Variants in PSMD3 observed in about 807,000 individuals in gnomAD.
PSMD3 encodes the protein 26S proteasome non-ATPase regulatory subunit 3.
A neutral mutation model predicts 62.8 loss-of-function variants in PSMD3; 5 were observed. The observed-to-expected ratio is 0.08, with a 90% CI of 0.04 to 0.17. The LOEUF (loss-of-function observed/expected upper bound fraction) is 0.17. Among genes scored for constraint, PSMD3 ranks in the 10% least tolerant of loss-of-function variants. PSMD3 has a pLI of 1.00. For missense variants in PSMD3, 524 were observed against 713.6 expected (o/e 0.73, Z 3.03); for synonymous variants, 265 against 283.9 (o/e 0.93, Z 0.67).
Position 39,996,979 on chromosome 17 carries a change from A to G in PSMD3, c.1477-351A>G, listed in dbSNP as rs1455048799. ...TCCCTTAGGTCAAGCCTCCCCTCCC[A>G]CTCCTGCCCCACCACCCAGCAGCCA... On this transcript the variant is annotated intron_variant, in intron 10 of 11. Transcript: ENST00000264639. The surrounding 1 kb of genome is among the most constrained non-coding windows in gnomAD (Gnocchi z 5.1). Among the ~76,000 whole-genome samples, 2 of 150,652 alleles carry G rather than the reference A, an allele frequency of 1.3e-5. No individual in the cohort carries two copies. Among genetic ancestry groups the G allele is most frequent in the Non-Finnish European group, 3.0e-5 (2 of 67,634 alleles).
chr17:39,988,646 G>T, intron 3 of PSMD3, 37 bp from the exon 4 acceptor site: 2 of 1,610,570 alleles, frequency 1.2e-6, no homozygotes, highest in Non-Finnish European at 1.7e-6. Flanking sequence ...TCCTTTTGAG[G>T]AACTGCCACT....
rs1004369842 is a variant in PSMD3, at chr17:39,984,771, CTGT to C, written c.411+292_411+294del. Among the ~76,000 whole-genome samples, 14 of 152,174 alleles carry C rather than the reference CTGT, an allele frequency of 9.2e-5. 1 individual carries two copies. Among genetic ancestry groups the C allele is most frequent in the East Asian group, 3.8e-4 (2 of 5,202 alleles). ...GTTGAGGTTGCGTTGGGTGACCTCT[CTGT>C]TGTTCTAGGAGAGAGAAGGTGCTGC... is the stretch of plus-strand genomic sequence containing the variant. On this transcript the variant is annotated intron_variant, in intron 2 of 11. Coordinates refer to ENST00000264639, the MANE Select transcript of PSMD3 (RefSeq NM_002809.4).
chr17:39,987,323 C>T (rs2144810382), intron 3 of PSMD3, among the ~76,000 whole-genome samples: 1 of 152,294 alleles, frequency 6.6e-6, no homozygotes, highest in South Asian at 2.1e-4. Flanking sequence ...GGTTTGTTTC[C>T]TTTCCTTACC....
chr17:39,992,464 G>T (rs1280018257), intron 6 of PSMD3, among the ~76,000 whole-genome samples: 3 of 152,196 alleles, frequency 2.0e-5, no homozygotes, highest in South Asian at 2.1e-4. Context: ...GATTCAGAGA[G>T]TCTGTGTTCC....
In PSMD3 at chr17:39,997,253, A is replaced by G. The variant is rs929368119; in HGVS notation, c.1477-77A>G. ...GCCTGGTGTCTAGCTCACAGAGGGGACGCAGGGAGTGCAGGTTGCGTGAGT... is the reference window on the plus strand; with the variant it reads ...GCCTGGTGTCTAGCTCACAGAGGGGGCGCAGGGAGTGCAGGTTGCGTGAGT... On this transcript the variant is annotated intron_variant, in intron 10 of 11. Transcript: ENST00000264639. 2.8e-6 allele frequency: 4 copies of G among 1,406,020 alleles called. No individual in the cohort carries two copies. In the East Asian group the frequency reaches 6.8e-5, roughly 24 times the overall value. 87.1% of individuals were successfully genotyped at this position (1,406,020 alleles called of 1,614,324 possible).
At chr17:39,997,138 T>A (rs1980803053) in intron 10 of PSMD3, among the ~76,000 whole-genome samples, 192 bp from the exon 11 acceptor site, 1 of 152,176 alleles carries the variant, frequency 6.6e-6, no homozygotes, top group Admixed American at 6.5e-5. Context: ...TTTATTCCTC[T>A]TTTTTCAGCA....
chr17:39,995,117 G>A lies in PSMD3; in HGVS notation c.1096+49G>A, dbSNP rs761159577. The stretch of plus-strand genomic sequence containing the variant: ...GAGCCCACTAGGCCCCCTTCAGTGG[G>A]GCCTCTTACATGCCTGTGCCTATTT... On this transcript the variant is annotated intron_variant, in intron 7 of 11. Coordinates refer to ENST00000264639, the MANE Select transcript of PSMD3 (RefSeq NM_002809.4). This position sits in a 1 kb window ranked among gnomAD's most constrained non-coding sequence, Gnocchi z 4.1. 3 of 1,613,896 alleles carry A rather than the reference G, an allele frequency of 1.9e-6. No individual in the cohort carries two copies. In the East Asian group the frequency reaches 6.7e-5, roughly 36 times the overall value.
chr17:39,983,815 A>T (rs1980446363), intron 1 of PSMD3, among the ~76,000 whole-genome samples: 1 of 152,282 alleles, frequency 6.6e-6, no homozygotes, highest in African/African-American at 2.4e-5. Context: ...TATGTCTTAA[A>T]ATCAGTGTGT....
chr17:39,988,842 C>G, intron 4 of PSMD3, 23 bp downstream of exon 4: 1 of 1,611,218 alleles, frequency 6.2e-7, no homozygotes, highest in Non-Finnish European at 8.5e-7. Context: ...AAGCATCTCA[C>G]TTGGGGTCCG....
In PSMD3 at chr17:39,995,324, G is replaced by T. The variant is rs1372952681; in HGVS notation, c.1216+29G>T. On this transcript the variant is annotated intron_variant, in intron 8 of 11. Coordinates refer to ENST00000264639, the MANE Select transcript of PSMD3 (RefSeq NM_002809.4). The surrounding 1 kb of genome is among the most constrained non-coding windows in gnomAD (Gnocchi z 4.1). Reference sequence around the variant, plus strand: ...TGGATCAGGATCTGAGGGGCTGTTGGAGGAGCAGAAGCCAGGCCAGGGCAA... The same window carrying T: ...TGGATCAGGATCTGAGGGGCTGTTGTAGGAGCAGAAGCCAGGCCAGGGCAA... 5.6e-6 allele frequency: 9 copies of T among 1,614,058 alleles called. No individual in the cohort carries two copies. Among genetic ancestry groups the T allele is most frequent in the Non-Finnish European group, 7.6e-6 (9 of 1,180,006 alleles).
chr17:39,985,498 G>T (rs1220956176), intron 2 of PSMD3, among the ~76,000 whole-genome samples: 2 of 152,190 alleles, frequency 1.3e-5, no homozygotes, highest in African/African-American at 2.4e-5. Context: ...ATCCTCTGTA[G>T]CTGTAAACTC....
At position 39,988,694 on chromosome 17, in the gene PSMD3, C is replaced by G. The variant is rs775232402; in HGVS notation, c.561C>G (p.Ile187Met). ...NSKRYKEAQK[I>M]SDDLMQKIST... The stretch of plus-strand genomic sequence containing the variant: ...GGCTTCCTCCCCAGGCACAGAAGAT[C>G]TCTGATGATCTGATGCAGAAGATCA... Residue 187 changes from isoleucine to methionine, a missense_variant, in exon 4 of 12, where the codon ATC becomes ATG. By Grantham distance (10) the Ile-to-Met change is conservative (BLOSUM62 1). Transcript: ENST00000264639. 3 of 1,614,144 alleles carry G rather than the reference C, an allele frequency of 1.9e-6. No homozygotes were observed. Among genetic ancestry groups the G allele is most frequent in the Non-Finnish European group, 2.5e-6 (3 of 1,180,010 alleles).
chr17:39,986,854 C>T (rs895208661), intron 3 of PSMD3, 142 bp downstream of exon 3: 16 of 1,186,012 alleles, frequency 1.3e-5, no homozygotes, highest in Admixed American at 4.7e-5. Context: ...TAGAGGTATG[C>T]GTTTGATCCC....
Position 39,996,380 on chromosome 17 carries a change from C to T in PSMD3, c.1476+42C>T. 4 of 1,597,974 alleles carry T rather than the reference C, an allele frequency of 2.5e-6. No homozygotes were observed. Among genetic ancestry groups the T allele is most frequent in the African/African-American group, 2.7e-5 (2 of 74,584 alleles). ...TGCAGAGTCACGCCTGGCAGCAGCA[C>T]ACCCCTCCCTCCACACTCATGGATT... is the stretch of plus-strand genomic sequence containing the variant. On this transcript the variant is annotated intron_variant, in intron 10 of 11. Coordinates refer to ENST00000264639, the MANE Select transcript of PSMD3 (RefSeq NM_002809.4). This position sits in a 1 kb window ranked among gnomAD's most constrained non-coding sequence, Gnocchi z 5.1.
chr17:39,981,219 G>A, intron 1 of PSMD3, 29 bp downstream of exon 1: 1 of 1,548,460 alleles, frequency 6.5e-7, no homozygotes, highest in East Asian at 2.4e-5. Flanking sequence ...GGAACGTGCC[G>A]CGATCGCGGG....
chr17:39,991,330 A>G (rs1226852604), intron 6 of PSMD3, among the ~76,000 whole-genome samples: 1 of 151,728 alleles, frequency 6.6e-6, no homozygotes, highest in Non-Finnish European at 1.5e-5. Context: ...AATTTTTTGT[A>G]TTTTTAGTAG....
At position 39,986,700 on chromosome 17, in the gene PSMD3, G is replaced by T; in HGVS notation, c.537G>T (p.Lys179Asn). The change falls in exon 3 of 12, where the codon AAG becomes AAT. Residue 179 changes from lysine (K) to asparagine (N), a missense_variant. By Grantham distance (94) the Lys-to-Asn change is moderately conservative (BLOSUM62 0). This residue lies in a region of PSMD3 where 396 missense variants were observed against 475.8 expected (regional missense o/e 0.83). Coordinates refer to ENST00000264639, the MANE Select transcript of PSMD3 (RefSeq NM_002809.4). ...TGGTCATCTTCATGATGAACAGCAA[G>T]CGCTACAAAGAGGTATCCAGGATGC... ...LLVVIFMMNS[K>N]RYKEAQKISD... is the part of the protein sequence containing the mutation. The T allele has an allele frequency of 6.2e-7, 1 of 1,614,148 alleles. No individual in the cohort carries two copies. Among genetic ancestry groups the T allele is most frequent in the Non-Finnish European group, 8.5e-7 (1 of 1,180,032 alleles).
chr17:39,996,736 C>T lies in PSMD3; in HGVS notation c.1476+398C>T, dbSNP rs114917723. 1.9e-3 allele frequency: 910 copies of T among 473,018 alleles called. 6 individuals are homozygous for T. The highest frequency in any genetic ancestry group is 0.016 in the African/African-American group (836 of 50,942). The allele number at this position is 473,018 out of a possible 1,614,324, so 29.3% of individuals were successfully genotyped here. ...ATTAAAAGAAGTCCCTGTATTGAGG[C>T]ACTTAGCGAAGTCTAAATTGTAAAA... is the stretch of plus-strand genomic sequence containing the variant. On this transcript the variant is annotated intron_variant, in intron 10 of 11. Coordinates refer to ENST00000264639, the MANE Select transcript of PSMD3 (RefSeq NM_002809.4). The surrounding 1 kb of genome is among the most constrained non-coding windows in gnomAD (Gnocchi z 5.1).
In PSMD3 at chr17:39,990,079, C is replaced by G. The variant is rs1410673704; in HGVS notation, c.878-15C>G. On this transcript the variant is annotated splice_polypyrimidine_tract_variant and intron_variant, in intron 5 of 11. Coordinates refer to ENST00000264639, the MANE Select transcript of PSMD3 (RefSeq NM_002809.4). ...CCCTACTCTGTTGACCAACTCTCCT[C>G]TCCTCCACTCCCAGGGCGAATCAAA... 1 of 1,612,862 alleles carries G rather than the reference C, an allele frequency of 6.2e-7. No individual in the cohort carries two copies.
Sources: allele counts gnomAD v4.1 joint callset (sites outside exome capture counted in the v4.1 genomes callset), GRCh38; gene constraint gnomAD v4.1.1; regional missense constraint gnomAD v4.1.1; non-coding constraint Gnocchi (gnomAD v3.1); transcripts MANE v1.5; gene names NCBI Gene and HGNC (gene_info 2026-07-23, HGNC 2026-07-21).